The following PLEKHD1 variants were observed in gnomAD, a reference collection of about 807,000 sequenced individuals.
The protein encoded by PLEKHD1 is pleckstrin homology and coiled-coil domain containing D1, also known as pleckstrin homology domain-containing family D member 1.
A neutral mutation model predicts 69.2 loss-of-function variants in PLEKHD1; 51 were observed. The ratio of observed to expected loss-of-function variants is 0.74; its 90% CI spans 0.59 to 0.93. PLEKHD1 has a LOEUF of 0.93. Ranked by LOEUF, PLEKHD1 falls within the 40% of genes least tolerant of loss-of-function variation. The pLI is 0.00. For missense variants in PLEKHD1, 584 were observed against 641.0 expected, an observed-to-expected ratio of 0.91 and a Z score of 0.96; for synonymous variants, 236 against 244.7, an observed-to-expected ratio of 0.96 and a Z score of 0.33.
intron 8 of PLEKHD1, among the ~76,000 whole-genome samples, chr14:69,525,178 T>C (rs903650940): frequency 6.6e-6 from 1 of 152,146 alleles, no homozygotes; most frequent in African/African-American, 2.4e-5. Flanking sequence ...TTCCAAACTA[T>C]GAATTTCAGT....
upstream of PLEKHD1, among the ~76,000 whole-genome samples, chr14:69,483,727 C>T (rs1416594398): frequency 6.6e-6 from 1 of 152,272 alleles, no homozygotes; most frequent in Non-Finnish European, 1.5e-5. Flanking sequence ...GTCCTTGGCT[C>T]CTCATCTTGG....
At chr14:69,525,065 T>A (rs1023442090) in intron 8 of PLEKHD1, among the ~76,000 whole-genome samples, 4 of 152,174 alleles carry the variant, frequency 2.6e-5, no homozygotes, top group Admixed American at 2.6e-4. Flanking sequence ...AAATATCTCC[T>A]CAGTCAAGCT....
chr14:69,522,360 G>A lies in PLEKHD1; in HGVS notation c.633G>A (p.Glu211=). Residue 211 remains glutamate (E), a synonymous_variant, in exon 7 of 13, where the codon GAG becomes GAA. Transcript: ENST00000322564. ...FEEVVQELRM[E]QEQIKRELEL... ...AGGTGGTGCAGGAGCTGAGAATGGA[G>A]CAGGAGCAGATCAAGAGGTGGTGGT... 1.9e-6 allele frequency: 3 copies of A among 1,551,586 alleles called. No individual in the cohort carries two copies. The highest frequency in any genetic ancestry group is 2.6e-6 in the Non-Finnish European group (3 of 1,146,922).
At chr14:69,496,665 G>C (rs1374630632) in intron 1 of PLEKHD1, among the ~76,000 whole-genome samples, 1 of 150,694 alleles carries the variant, frequency 6.6e-6, no homozygotes, top group East Asian at 1.9e-4. Flanking sequence ...TCAGCCTCCT[G>C]GCTAGAACTA....
intron 1 of PLEKHD1, 128 bp downstream of exon 1, chr14:69,485,242 C>A: frequency 8.9e-7 from 1 of 1,122,198 alleles, no homozygotes; most frequent in Non-Finnish European, 1.2e-6. Flanking sequence ...CCCCTTTTCA[C>A]TCTACACTGG....
chr14:69,477,947 A>T, the PLEKHD1 span, among the ~76,000 whole-genome samples: 14 of 152,370 alleles, frequency 9.2e-5, no homozygotes, highest in East Asian at 2.5e-3. Context: ...GCAATGTCCC[A>T]GTAGGGACTC....
At chr14:69,518,885 G>T (rs2139524475) in intron 6 of PLEKHD1, among the ~76,000 whole-genome samples, 1 of 152,286 alleles carries the variant, frequency 6.6e-6, no homozygotes, top group African/African-American at 2.4e-5. Context: ...GCCCAGAGTG[G>T]CTGGGCTTTG....
At chr14:69,495,993 C>T (rs1882880290) in intron 1 of PLEKHD1, among the ~76,000 whole-genome samples, 1 of 152,238 alleles carries the variant, frequency 6.6e-6, no homozygotes, top group African/African-American at 2.4e-5. Context: ...ACTGTATCTC[C>T]AACACCTAGA....
At chr14:69,468,391 G>A in the PLEKHD1 span, among the ~76,000 whole-genome samples, 1 of 152,180 alleles carries the variant, frequency 6.6e-6, no homozygotes, top group Non-Finnish European at 1.5e-5. Context: ...AAGAAGGGCA[G>A]AGATAAATGA....
Position 69,484,872 on chromosome 14 carries a change from G to C in PLEKHD1, c.-94G>C. ...GCTCTGCTTCTCTGCTCGCTGGGACGCTCTCCGACGGCTCCGCCCTCGCCT... is the reference window on the plus strand; with the variant it reads ...GCTCTGCTTCTCTGCTCGCTGGGACCCTCTCCGACGGCTCCGCCCTCGCCT... On this transcript the variant is annotated 5_prime_UTR_variant, in exon 1 of 13. Coordinates refer to ENST00000322564, the MANE Select transcript of PLEKHD1 (RefSeq NM_001161498.2). The C allele has an allele frequency of 2.8e-6, 4 of 1,409,232 alleles. No individual in the cohort carries two copies. The highest frequency in any genetic ancestry group is 3.8e-6 in the Non-Finnish European group (4 of 1,047,300). The allele number at this position is 1,409,232 out of a possible 1,614,324, so 87.3% of individuals were successfully genotyped here.
the PLEKHD1 span, among the ~76,000 whole-genome samples, chr14:69,468,533 TTTCC>T: frequency 6.3e-4 from 90 of 143,748 alleles, no homozygotes; most frequent in Middle Eastern, 3.6e-3. Context: ...TCACCATATA[TTTCC>T]TTCCTTCCTT....
the PLEKHD1 span, among the ~76,000 whole-genome samples, chr14:69,471,083 G>C: frequency 7.6e-6 from 1 of 132,450 alleles, no homozygotes; most frequent in African/African-American, 2.8e-5. Flanking sequence ...GAGCCACCGT[G>C]CCTGGCCTTT....
intron 1 of PLEKHD1, among the ~76,000 whole-genome samples, chr14:69,495,825 C>T (rs182529730): frequency 1.8e-4 from 28 of 152,354 alleles, no homozygotes; most frequent in African/African-American, 6.7e-4. Flanking sequence ...CCCATGCCCA[C>T]TCCCAATTCC....
At chr14:69,479,796 A>T (rs1223887962), upstream of PLEKHD1, among the ~76,000 whole-genome samples, 1 of 152,198 alleles carries the variant, frequency 6.6e-6, no homozygotes, top group African/African-American at 2.4e-5. Flanking sequence ...TTATGTTAAC[A>T]CTAGAAGCAG....
At chr14:69,493,908 G>A (rs60974342) in intron 1 of PLEKHD1, among the ~76,000 whole-genome samples, 17,089 of 152,238 alleles carry the variant, frequency 0.11, 1,122 homozygotes, top group East Asian at 0.14. Context: ...TTGATGTTGG[G>A]TCTGGAAGGA....
At position 69,527,844 on chromosome 14, in the gene PLEKHD1, G is replaced by A. The variant is rs1883692702; in HGVS notation, c.1263G>A (p.Lys421=). ...ELEAKMPVIM[K]NSVYIHKAAT... Reference sequence around the variant, plus strand: ...AGGCCAAGATGCCTGTGATCATGAAGAACTCCGTGTACATCCATAAGGCAG... The same window carrying A: ...AGGCCAAGATGCCTGTGATCATGAAAAACTCCGTGTACATCCATAAGGCAG... Residue 421 remains lysine, a synonymous_variant, in exon 12 of 13, where the codon AAG becomes AAA. Coordinates refer to ENST00000322564, the MANE Select transcript of PLEKHD1 (RefSeq NM_001161498.2). 2 of 1,551,528 alleles carry A rather than the reference G, an allele frequency of 1.3e-6. No homozygotes were observed. The highest frequency in any genetic ancestry group is 1.7e-6 in the Non-Finnish European group (2 of 1,147,008).
chr14:69,519,473 C>T (rs1269866384), intron 6 of PLEKHD1, among the ~76,000 whole-genome samples: 6 of 152,044 alleles, frequency 3.9e-5, no homozygotes, highest in Non-Finnish European at 8.8e-5. Context: ...AAATGCTGTG[C>T]GGGCACATGT....
chr14:69,504,881 T>C (rs17764280), intron 6 of PLEKHD1, among the ~76,000 whole-genome samples: 18,728 of 152,200 alleles, frequency 0.12, 1,247 homozygotes, highest in Non-Finnish European at 0.14. Context: ...TTCTATACAT[T>C]TCAAGCAAGG....
At chr14:69,495,521 T>C (rs1428528501) in intron 1 of PLEKHD1, among the ~76,000 whole-genome samples, 1 of 152,204 alleles carries the variant, frequency 6.6e-6, no homozygotes, top group Non-Finnish European at 1.5e-5. Context: ...ATTTCTCTCA[T>C]AGCATCATTG....
Sources: gnomAD v4.1 joint callset for allele counts (sites outside exome capture counted in the v4.1 genomes callset) on GRCh38, gnomAD v4.1.1 for gene constraint, MANE v1.5 for transcripts, NCBI Gene and HGNC (gene_info 2026-07-23, HGNC 2026-07-21) for gene names.